PPM1L: variants seen among roughly 807,000 people sequenced by gnomAD.
PPM1L encodes protein phosphatase, Mg2+/Mn2+ dependent 1L, also known as protein phosphatase 1L.
A neutral mutation model predicts 31.4 loss-of-function variants in PPM1L; 13 were observed. The observed-to-expected ratio is 0.41, with a 90% CI of 0.27 to 0.66. PPM1L has a LOEUF of 0.66. PPM1L is among the 30% of genes least tolerant of loss of function. PPM1L has a pLI of 0.29. For synonymous variants in PPM1L, 184 were observed against 175.4 expected, an observed-to-expected ratio of 1.05 and a Z score of -0.39; for missense variants, 326 against 453.7, an observed-to-expected ratio of 0.72 and a Z score of 2.56.
intron 1 of PPM1L, among the ~76,000 whole-genome samples, chr3:160,904,582 A>G (rs906309316): frequency 2.6e-5 from 4 of 152,176 alleles, no homozygotes; most frequent in Non-Finnish European, 4.4e-5. Flanking sequence ...GATGAACTCA[A>G]GCAGGTGGGC....
intron 1 of PPM1L, among the ~76,000 whole-genome samples, chr3:160,821,920 A>G (rs1713213718): frequency 6.6e-6 from 1 of 152,002 alleles, no homozygotes; most frequent in Non-Finnish European, 1.5e-5. Context: ...TGCACTAAAT[A>G]TATTATCTAT....
At chr3:160,855,727 T>C (rs949990429) in intron 1 of PPM1L, among the ~76,000 whole-genome samples, 24 of 151,786 alleles carry the variant, frequency 1.6e-4, no homozygotes, top group Non-Finnish European at 3.2e-4. Context: ...GCTGGCGAGG[T>C]TGTGGAGAAA....
At chr3:160,979,127 A>G (rs2108032520) in intron 2 of PPM1L, among the ~76,000 whole-genome samples, 1 of 152,200 alleles carries the variant, frequency 6.6e-6, no homozygotes, top group African/African-American at 2.4e-5. Context: ...ATTTATCTTC[A>G]CTTTTATCAC....
At chr3:160,819,894 C>A (rs1396418649) in intron 1 of PPM1L, among the ~76,000 whole-genome samples, 3 of 151,924 alleles carry the variant, frequency 2.0e-5, no homozygotes, top group Non-Finnish European at 4.4e-5. Context: ...CATCCTTTGT[C>A]ATTTTATTGT....
chr3:160,902,086 C>G (rs1011481786), intron 1 of PPM1L, among the ~76,000 whole-genome samples: 1 of 151,948 alleles, frequency 6.6e-6, no homozygotes, highest in Admixed American at 6.6e-5. Context: ...AATAGAAATG[C>G]ATAAAATGTG....
intron 1 of PPM1L, among the ~76,000 whole-genome samples, chr3:160,874,423 A>G (rs1477843645): frequency 3.9e-5 from 6 of 152,148 alleles, no homozygotes; most frequent in African/African-American, 1.4e-4. Flanking sequence ...TTTTCCTTCA[A>G]GATATTTCTG....
chr3:160,854,646 G>A (rs1034644736), intron 1 of PPM1L, among the ~76,000 whole-genome samples: 2 of 151,390 alleles, frequency 1.3e-5, no homozygotes, highest in East Asian at 1.9e-4. Flanking sequence ...CTAGGAATAC[G>A]GCAGATCAGG....
At chr3:161,065,280 TG>T in intron 2 of PPM1L, 122 bp from the exon 3 acceptor site, 1 of 845,042 alleles carries the variant, frequency 1.2e-6, no homozygotes, top group South Asian at 1.7e-5. Context: ...TCAGAGTGGC[TG>T]GAGTCAAATT....
intron 1 of PPM1L, among the ~76,000 whole-genome samples, chr3:160,919,116 A>G (rs1295194205): frequency 6.6e-6 from 1 of 152,230 alleles, no homozygotes; most frequent in Admixed American, 6.5e-5. Context: ...TAAAAATCAT[A>G]ATCATTAATA....
intron 1 of PPM1L, among the ~76,000 whole-genome samples, chr3:160,941,426 T>A (rs894482063): frequency 3.9e-5 from 6 of 152,154 alleles, no homozygotes; most frequent in Admixed American, 2.0e-4. Context: ...CTCCCAGAAT[T>A]CCCATGTGTT....
intron 1 of PPM1L, among the ~76,000 whole-genome samples, chr3:160,826,922 T>C (rs1465801128): frequency 6.6e-6 from 1 of 151,988 alleles, no homozygotes; most frequent in Non-Finnish European, 1.5e-5. Context: ...TATATCATGG[T>C]TTAAAAAAAC....
chr3:160,807,896 T>G (rs1712650549), intron 1 of PPM1L, among the ~76,000 whole-genome samples: 1 of 152,122 alleles, frequency 6.6e-6, no homozygotes, highest in South Asian at 2.1e-4. Flanking sequence ...TAAGGGAGTT[T>G]TAGAAATTAA....
At chr3:161,064,647 C>T (rs143335927) in intron 2 of PPM1L, among the ~76,000 whole-genome samples, 5 of 152,214 alleles carry the variant, frequency 3.3e-5, no homozygotes, top group African/African-American at 4.8e-5. Context: ...TAGACCAGAC[C>T]GTTCAACTCT....
chr3:160,862,957 T>C (rs1711957622), intron 1 of PPM1L, among the ~76,000 whole-genome samples: 1 of 152,184 alleles, frequency 6.6e-6, no homozygotes, highest in South Asian at 2.1e-4. Context: ...GCCATTTTCT[T>C]TGAAAACACA....
chr3:160,934,276 A>C lies in PPM1L; in HGVS notation c.400-27460A>C, dbSNP rs1714884827. Among the ~76,000 whole-genome samples the C allele has an allele frequency of 2.0e-5, 3 of 152,216 alleles. No homozygotes were observed. In the South Asian group the frequency reaches 6.2e-4, roughly 32 times the overall value. ...TTTTGGTAGGCCTCCTGCTGTGACC[A>C]AAGTCAAATAAGTGGAAATGAGGGA... On this transcript the variant is annotated intron_variant, in intron 1 of 3. Transcript: ENST00000498165.
In PPM1L at chr3:161,068,822, A is replaced by C; in HGVS notation, c.748A>C (p.Ser250Arg). ...KRIKRAGGFI[S>R]FNGSWRVQGI... Reference sequence around the variant, plus strand: ...TCCTGTCTTTCTAGGTGGTTTCATCAGTTTCAATGGCTCCTGGAGGGTCCA... The same window carrying C: ...TCCTGTCTTTCTAGGTGGTTTCATCCGTTTCAATGGCTCCTGGAGGGTCCA... Residue 250 changes from serine to arginine, a missense_variant, in exon 4 of 4, where the codon AGT becomes CGT. Physicochemically the swap from Ser to Arg is moderately radical, Grantham distance 110. Around this residue, in one of 3 missense-constraint regions of PPM1L, gnomAD observed 201 missense variants for 298.2 expected, o/e 0.67. Coordinates refer to ENST00000498165, the MANE Select transcript of PPM1L (RefSeq NM_139245.4). 6.2e-7 allele frequency: 1 copy of C among 1,609,306 alleles called. No individual in the cohort carries two copies. Among genetic ancestry groups the C allele is most frequent in the Non-Finnish European group, 8.5e-7 (1 of 1,177,854 alleles).
At chr3:161,045,584 A>T (rs1258129088) in intron 2 of PPM1L, among the ~76,000 whole-genome samples, 1 of 152,208 alleles carries the variant, frequency 6.6e-6, no homozygotes, top group Non-Finnish European at 1.5e-5. Context: ...GAGAACAAAG[A>T]CACAACATAC....
intron 1 of PPM1L, among the ~76,000 whole-genome samples, chr3:160,817,501 G>A (rs1428596914): frequency 2.0e-5 from 3 of 152,042 alleles, no homozygotes; most frequent in Non-Finnish European, 2.9e-5. Flanking sequence ...ATTTTTACAC[G>A]GCGCCTACTT....
intron 1 of PPM1L, among the ~76,000 whole-genome samples, chr3:160,925,255 C>T (rs575445171): frequency 5.9e-5 from 9 of 152,134 alleles, no homozygotes; most frequent in Non-Finnish European, 5.9e-5. Context: ...CATTTATATG[C>T]GCAGAATTGA....
Sources: allele counts gnomAD v4.1 joint callset (sites outside exome capture counted in the v4.1 genomes callset), GRCh38; gene constraint gnomAD v4.1.1; regional missense constraint gnomAD v4.1.1; transcripts MANE v1.5; gene names NCBI Gene and HGNC (gene_info 2026-07-23, HGNC 2026-07-21).